The following NPSR1 variants were observed in gnomAD, a reference collection of about 807,000 sequenced individuals.
The protein encoded by NPSR1 is neuropeptide S receptor.
In NPSR1, 48 loss-of-function variants were observed where a neutral mutation model predicts 46.9. The ratio of observed to expected loss-of-function variants is 1.02; its 90% CI spans 0.81 to 1.30. The LOEUF is 1.30. Ranked by LOEUF, NPSR1 falls within the 50% of genes most tolerant of loss-of-function variation. The pLI, the probability that NPSR1 is intolerant of heterozygous loss-of-function variation, is 0.00. For synonymous variants in NPSR1, 176 were observed against 168.1 expected, an observed-to-expected ratio of 1.05 and a Z score of -0.36; for missense variants, 450 against 449.5, an observed-to-expected ratio of 1.00 and a Z score of -0.01.
At chr7:34,841,993 T>C (rs2128762760) in intron 6 of NPSR1, among the ~76,000 whole-genome samples, 1 of 152,320 alleles carries the variant, frequency 6.6e-6, no homozygotes, top group East Asian at 1.9e-4. Context: ...ATAACAACCT[T>C]GTATAATAGA....
intron 3 of NPSR1, among the ~76,000 whole-genome samples, chr7:34,786,843 A>G (rs915500409): frequency 6.6e-6 from 1 of 152,138 alleles, no homozygotes; most frequent in African/African-American, 2.4e-5. Flanking sequence ...TAAAATATTC[A>G]GTAAACCATG....
intron 3 of NPSR1, chr7:34,779,784 T>G (rs185187877): frequency 1.9e-4 from 52 of 272,000 alleles, no homozygotes; most frequent in African/African-American, 8.4e-4. Flanking sequence ...CAATTGCTGA[T>G]ACACAAATTA....
At chr7:34,867,816 T>C (rs1036415528) in intron 8 of NPSR1, among the ~76,000 whole-genome samples, 3 of 151,848 alleles carry the variant, frequency 2.0e-5, no homozygotes, top group Non-Finnish European at 2.9e-5. Flanking sequence ...AAGTCTAAAA[T>C]AGTTTGGCAC....
chr7:34,685,921 C>A, intron 2 of NPSR1: 1 of 243,084 alleles, frequency 4.1e-6, no homozygotes, highest in Non-Finnish European at 8.2e-6. Context: ...TTTTTCACTC[C>A]TATAACCGTA....
chr7:34,696,748 G>A (rs1364299885), intron 2 of NPSR1, among the ~76,000 whole-genome samples: 1 of 136,594 alleles, frequency 7.3e-6, no homozygotes. Flanking sequence ...AAAAGATAAA[G>A]CCCAGACTGG....
chr7:34,712,580 G>A (rs1783356147), intron 2 of NPSR1, among the ~76,000 whole-genome samples: 1 of 152,156 alleles, frequency 6.6e-6, no homozygotes, highest in African/African-American at 2.4e-5. Context: ...AAGAGTAGGT[G>A]GAGGCCAGAC....
chr7:34,865,487 C>T (rs1393386370), intron 8 of NPSR1, among the ~76,000 whole-genome samples: 1 of 151,720 alleles, frequency 6.6e-6, no homozygotes, highest in Admixed American at 6.6e-5. Flanking sequence ...CTCTTTCTTC[C>T]CTGGTAGGAG....
intron 2 of NPSR1, among the ~76,000 whole-genome samples, chr7:34,693,450 T>C (rs1040671250): frequency 2.0e-5 from 3 of 151,306 alleles, no homozygotes; most frequent in African/African-American, 4.9e-5. Context: ...CAGGAAAGAG[T>C]AGAAATCCTG....
At chr7:34,838,689 CCAGT>C (rs1790464115) in intron 6 of NPSR1, among the ~76,000 whole-genome samples, 2 of 152,114 alleles carry the variant, frequency 1.3e-5, no homozygotes, top group South Asian at 4.1e-4. Flanking sequence ...CTATTTTCTC[CCAGT>C]CAAAGGCTGA....
intron 2 of NPSR1, chr7:34,753,522 G>C (rs553293605): frequency 1.3e-5 from 2 of 152,088 alleles, no homozygotes; most frequent in Admixed American, 1.3e-4. Flanking sequence ...TATGTGGATC[G>C]GATGTTTGTA....
chr7:34,660,067 T>G (rs1791378796), intron 1 of NPSR1: 1 of 455,920 alleles, frequency 2.2e-6, no homozygotes, highest in Non-Finnish European at 4.4e-6. Flanking sequence ...ATTTGGAATA[T>G]GTGAAGAAAC....
At chr7:34,747,881 G>T (rs1785291721) in intron 2 of NPSR1, among the ~76,000 whole-genome samples, 1 of 152,058 alleles carries the variant, frequency 6.6e-6, no homozygotes, top group Non-Finnish European at 1.5e-5. Flanking sequence ...CTATACCTGG[G>T]GTGATGGGTG....
chr7:34,750,927 G>A (rs35514564), intron 2 of NPSR1: 19,113 of 742,832 alleles, frequency 0.026, 1,459 homozygotes, highest in African/African-American at 0.21. Context: ...CCCCAGCTCG[G>A]GGTCTGACAG....
chr7:34,669,956 G>C (rs924122842), intron 1 of NPSR1, among the ~76,000 whole-genome samples: 1 of 152,200 alleles, frequency 6.6e-6, no homozygotes, highest in Non-Finnish European at 1.5e-5. Context: ...AATTCTCTAG[G>C]TGAAGCATTA....
At chr7:34,788,669 A>T (rs1787580462) in intron 3 of NPSR1, among the ~76,000 whole-genome samples, 1 of 152,142 alleles carries the variant, frequency 6.6e-6, no homozygotes, top group Non-Finnish European at 1.5e-5. Flanking sequence ...TATAAAGCAA[A>T]TATTAATAGA....
chr7:34,839,214 T>C (rs1043832362), intron 6 of NPSR1, among the ~76,000 whole-genome samples: 2 of 152,214 alleles, frequency 1.3e-5, no homozygotes, highest in Non-Finnish European at 2.9e-5. Flanking sequence ...GATTATGACA[T>C]GTTCGTGGAT....
rs1784442497 is a variant in NPSR1, at chr7:34,732,026, A to T, written c.281-46436A>T. Among the ~76,000 whole-genome samples the T allele has an allele frequency of 2.0e-5, 3 of 150,976 alleles. No homozygotes were observed. In the South Asian group the frequency reaches 6.3e-4, roughly 32 times the overall value. ...CGAAACTCTATCTCTACCAAAAAAA[A>T]TTAGCCAGGCTCCACGGCATTCCAG... On this transcript the variant is annotated intron_variant, in intron 2 of 8. Transcript: ENST00000360581.
intron 3 of NPSR1, among the ~76,000 whole-genome samples, chr7:34,811,248 T>C (rs1042941452): frequency 3.3e-5 from 5 of 151,870 alleles, no homozygotes; most frequent in Admixed American, 6.6e-5. Flanking sequence ...TGGTTCTCAG[T>C]GGGATGGATG....
At chr7:34,736,929 C>T (rs1463391277) in intron 2 of NPSR1, among the ~76,000 whole-genome samples, 1 of 152,148 alleles carries the variant, frequency 6.6e-6, no homozygotes, top group African/African-American at 2.4e-5. Context: ...TAAATATTCG[C>T]AATTTTCACA....
Sources: allele counts gnomAD v4.1 joint callset (sites outside exome capture counted in the v4.1 genomes callset), GRCh38; gene constraint gnomAD v4.1.1; transcripts MANE v1.5; gene names NCBI Gene and HGNC (gene_info 2026-07-23, HGNC 2026-07-21).